TEAD1: variants seen among roughly 807,000 people sequenced by gnomAD.
TEAD1 encodes TEA domain transcription factor 1, also known as transcriptional enhancer factor TEF-1.
TEAD1 carries 9 observed loss-of-function variants against 54.9 expected under a neutral mutation model. The ratio of observed to expected loss-of-function variants is 0.16; its 90% CI spans 0.10 to 0.29. The LOEUF is 0.29. Ranked by LOEUF, TEAD1 falls within the 10% of genes least tolerant of loss-of-function variation. The probability of loss-of-function intolerance (pLI) is 1.00; values close to 1 mark genes in which losing one functional copy is unlikely to be tolerated. For synonymous variants in TEAD1, 200 were observed against 187.8 expected (o/e 1.07, Z -0.53); for missense variants, 387 against 535.9 (o/e 0.72, Z 2.74).
At chr11:12,912,579 C>T (rs1948635852) in intron 10 of TEAD1, among the ~76,000 whole-genome samples, 2 of 152,050 alleles carry the variant, frequency 1.3e-5, no homozygotes, top group Non-Finnish European at 2.9e-5. Context: ...GGTGGAAACC[C>T]TGGTCACAGG....
chr11:12,810,652 G>A (rs898180178), intron 3 of TEAD1, among the ~76,000 whole-genome samples: 1 of 152,182 alleles, frequency 6.6e-6, no homozygotes, highest in Non-Finnish European at 1.5e-5. Flanking sequence ...GCACCCCTGG[G>A]TCTGGCAGTG....
At chr11:12,779,258 C>CT (rs781152295) in intron 3 of TEAD1, among the ~76,000 whole-genome samples, 1 of 152,194 alleles carries the variant, frequency 6.6e-6, no homozygotes, top group Non-Finnish European at 1.5e-5. Flanking sequence ...TAAGTAAACT[C>CT]TCACTGTAGA....
Position 12,879,827 on chromosome 11 carries a change from C to A in TEAD1, c.450C>A (p.Phe150Leu), listed in dbSNP as rs763465623. ...TGCCTGGGATTCCACGCCCGACCTT[C>A]CCAGGGGCGCCGGGGGTAAGTCATG... The change falls in exon 6 of 13, where the codon TTC (phenylalanine) becomes TTA (leucine). Residue 150 changes from phenylalanine to leucine, a missense_variant. Transcript: ENST00000527636. The A allele has an allele frequency of 1.1e-5, 17 of 1,613,510 alleles. No homozygotes were observed. The South Asian group carries it at 1.8e-4, about 17-fold the overall frequency.
At chr11:12,719,248 C>G (rs754084957) in intron 2 of TEAD1, among the ~76,000 whole-genome samples, 4 of 152,024 alleles carry the variant, frequency 2.6e-5, no homozygotes, top group Non-Finnish European at 5.9e-5. Context: ...GGACCTTTGA[C>G]TCTGCCTAGT....
chr11:12,688,451 T>G (rs1333096288), intron 2 of TEAD1, among the ~76,000 whole-genome samples: 1 of 152,206 alleles, frequency 6.6e-6, no homozygotes, highest in Non-Finnish European at 1.5e-5. Flanking sequence ...TGATTGCCAG[T>G]TTTTAGGACT....
intron 5 of TEAD1, 176 bp from the exon 6 acceptor site, chr11:12,879,532 C>T (rs773322544): frequency 4.8e-5 from 37 of 763,038 alleles, no homozygotes; most frequent in Middle Eastern, 3.2e-4. Context: ...TTGAGAGGTA[C>T]GGTAGGTTGA....
At chr11:12,919,106 AT>A (rs1948762793) in intron 10 of TEAD1, among the ~76,000 whole-genome samples, 1 of 152,190 alleles carries the variant, frequency 6.6e-6, no homozygotes, top group Non-Finnish European at 1.5e-5. Flanking sequence ...CTGAATGTAT[AT>A]TTTAATTTTA....
At chr11:12,739,967 T>A (rs893700825) in intron 2 of TEAD1, among the ~76,000 whole-genome samples, 1 of 152,306 alleles carries the variant, frequency 6.6e-6, no homozygotes, top group Non-Finnish European at 1.5e-5. Context: ...GAAAGCCAAA[T>A]AAGGCTTTAC....
At chr11:12,774,822 G>A (rs2133939765) in intron 3 of TEAD1, among the ~76,000 whole-genome samples, 1 of 152,190 alleles carries the variant, frequency 6.6e-6, no homozygotes, top group East Asian at 1.9e-4. Flanking sequence ...GCTAAATAAG[G>A]AGAACACATG....
Position 12,674,543 on chromosome 11 carries a change from G to C in TEAD1, c.-499G>C, listed in dbSNP as rs1943033666. 6.6e-6 allele frequency: 1 copy of C among 150,854 alleles called. No individual in the cohort carries two copies. Among genetic ancestry groups the C allele is most frequent in the Non-Finnish European group, 1.5e-5 (1 of 67,712 alleles). The allele number at this position is 150,854 out of a possible 1,614,324, so 9.3% of individuals were successfully genotyped here. A position where few individuals can be genotyped will look rare whatever the true frequency, so the allele number is the denominator to read the frequency against. On this transcript the variant is annotated 5_prime_UTR_variant, in exon 1 of 13. Transcript: ENST00000527636. ...CGCCCACCAAGCACTTTGCAGACTC[G>C]CTTCCACCCTGCGGGCCATTCCGCG...
At chr11:12,742,363 T>A (rs1944665259) in intron 2 of TEAD1, among the ~76,000 whole-genome samples, 1 of 152,098 alleles carries the variant, frequency 6.6e-6, no homozygotes. Flanking sequence ...ATAATAAAAG[T>A]AAAGTTCTGG....
At chr11:12,734,711 G>A (rs767580420) in intron 2 of TEAD1, among the ~76,000 whole-genome samples, 2 of 152,122 alleles carry the variant, frequency 1.3e-5, no homozygotes, top group African/African-American at 2.4e-5. Flanking sequence ...GTAATATGCC[G>A]TACAGATCTG....
intron 5 of TEAD1, among the ~76,000 whole-genome samples, chr11:12,875,883 CA>C (rs1947845192): frequency 6.6e-6 from 1 of 152,180 alleles, no homozygotes; most frequent in South Asian, 2.1e-4. Context: ...CTCATAGCTA[CA>C]AATACCTTTA....
intron 2 of TEAD1, among the ~76,000 whole-genome samples, chr11:12,720,865 A>C (rs1001992683): frequency 4.6e-5 from 7 of 152,166 alleles, no homozygotes; most frequent in Non-Finnish European, 1.0e-4. Context: ...GGCTAAAGGG[A>C]CAGTCCTCAG....
intron 2 of TEAD1, among the ~76,000 whole-genome samples, chr11:12,687,167 G>A (rs946071950): frequency 8.5e-5 from 13 of 152,222 alleles, no homozygotes; most frequent in African/African-American, 3.1e-4. Context: ...AGATGATGCT[G>A]TACTGCCTCT....
chr11:12,763,823 C>T (rs763208391), intron 2 of TEAD1, among the ~76,000 whole-genome samples: 2 of 152,196 alleles, frequency 1.3e-5, no homozygotes, highest in Admixed American at 6.5e-5. Context: ...CTTGCAACTC[C>T]GAGTGAGTAC....
intron 2 of TEAD1, among the ~76,000 whole-genome samples, chr11:12,706,713 C>A (rs755924184): frequency 2.6e-5 from 4 of 152,126 alleles, no homozygotes; most frequent in Non-Finnish European, 4.4e-5. Flanking sequence ...CTAGGACTTT[C>A]AAGATCCTCT....
intron 2 of TEAD1, among the ~76,000 whole-genome samples, chr11:12,710,194 C>T (rs1031939713): frequency 2.6e-5 from 4 of 151,996 alleles, no homozygotes; most frequent in African/African-American, 7.2e-5. Flanking sequence ...CGTGATGCTT[C>T]ACACCTGTAG....
chr11:12,896,837 T>G (rs1314844030), intron 9 of TEAD1, among the ~76,000 whole-genome samples: 2 of 152,218 alleles, frequency 1.3e-5, no homozygotes, highest in Admixed American at 6.5e-5. Flanking sequence ...TGTTGTTAGC[T>G]CATGGATTCC....
Sources: gnomAD v4.1 joint callset for allele counts (sites outside exome capture counted in the v4.1 genomes callset) on GRCh38, gnomAD v4.1.1 for gene constraint, MANE v1.5 for transcripts, NCBI Gene and HGNC (gene_info 2026-07-23, HGNC 2026-07-21) for gene names.